ABCC9: variants seen among roughly 807,000 people sequenced by gnomAD.
The protein encoded by ABCC9 is ATP-binding cassette sub-family C member 9.
ABCC9 carries 95 observed loss-of-function variants against 188.3 expected under a neutral mutation model. The observed-to-expected ratio is 0.50, with a 90% CI of 0.43 to 0.60. ABCC9 has a LOEUF of 0.60. Among genes scored for constraint, ABCC9 ranks in the 20% least tolerant of loss-of-function variants. The probability of loss-of-function intolerance (pLI) is 0.00; values close to 1 mark genes in which losing one functional copy is unlikely to be tolerated. For synonymous variants in ABCC9, 659 were observed against 652.7 expected (o/e 1.01, Z -0.15); for missense variants, 1,102 against 1,876.3 (o/e 0.59, Z 7.62).
intron 12 of ABCC9, among the ~76,000 whole-genome samples, chr12:21,895,902 A>G (rs1465966294): frequency 6.6e-6 from 1 of 152,120 alleles, no homozygotes; most frequent in Non-Finnish European, 1.5e-5. Context: ...AAAAACTCAC[A>G]TTTTAGCTTG....
intron 12 of ABCC9, among the ~76,000 whole-genome samples, chr12:21,897,272 T>TC (rs1290387625): frequency 6.6e-6 from 1 of 151,912 alleles, no homozygotes; most frequent in Non-Finnish European, 1.5e-5. Flanking sequence ...GGGTTTTTTT[T>TC]CCTCATAAAT....
At chr12:21,853,460 C>CTAT (rs148486888) in intron 22 of ABCC9, among the ~76,000 whole-genome samples, 3,676 of 151,572 alleles carry the variant, frequency 0.024, 148 homozygotes, top group African/African-American at 0.084. Flanking sequence ...ACATTGTTAG[C>CTAT]TATTATTATT....
At chr12:21,906,035 A>G in intron 12 of ABCC9, 91 bp downstream of exon 12, 2 of 1,392,814 alleles carry the variant, frequency 1.4e-6, no homozygotes, top group Non-Finnish European at 1.0e-6. Context: ...AAGAACTAGA[A>G]TGTTTCATTG....
chr12:21,889,067 G>GT (rs1479853591), intron 14 of ABCC9, among the ~76,000 whole-genome samples: 4 of 152,124 alleles, frequency 2.6e-5, no homozygotes, highest in African/African-American at 7.2e-5. Flanking sequence ...TTCAGAACTT[G>GT]TTTTTTGTGA....
intron 36 of ABCC9, among the ~76,000 whole-genome samples, chr12:21,811,031 C>T (rs1233182380): frequency 6.6e-6 from 1 of 152,140 alleles, no homozygotes; most frequent in Non-Finnish European, 1.5e-5. Flanking sequence ...CCACCCAAAT[C>T]TCATCTCGAA....
chr12:21,913,263 G>T (rs1415809342), intron 7 of ABCC9, among the ~76,000 whole-genome samples, 197 bp from the exon 8 acceptor site: 1 of 152,092 alleles, frequency 6.6e-6, no homozygotes, highest in Non-Finnish European at 1.5e-5. Flanking sequence ...AGTAGCTACT[G>T]AATGCATTTT....
intron 12 of ABCC9, among the ~76,000 whole-genome samples, chr12:21,900,288 C>A (rs1164744871): frequency 6.6e-6 from 1 of 152,110 alleles, no homozygotes; most frequent in African/African-American, 2.4e-5. Context: ...GAAAGGACAT[C>A]CACACCAAAA....
At chr12:21,920,455 ATATT>A (rs1384073650) in intron 5 of ABCC9, among the ~76,000 whole-genome samples, 2 of 152,066 alleles carry the variant, frequency 1.3e-5, no homozygotes, top group African/African-American at 4.8e-5. Flanking sequence ...TTGTAGGTAT[ATATT>A]TATGGGTTAC....
chr12:21,871,619 A>G (rs952913158), intron 18 of ABCC9, among the ~76,000 whole-genome samples: 1 of 152,192 alleles, frequency 6.6e-6, no homozygotes, highest in Non-Finnish European at 1.5e-5. Flanking sequence ...TCATGATAGT[A>G]GATACAAAAT....
At chr12:21,938,296 C>G (rs1249989569) in intron 2 of ABCC9, among the ~76,000 whole-genome samples, 2 of 152,048 alleles carry the variant, frequency 1.3e-5, no homozygotes, top group African/African-American at 4.8e-5. Flanking sequence ...CTAGTTGAGT[C>G]TTTCCCTCAT....
chr12:21,877,142 A>G (rs1565770634), intron 16 of ABCC9, among the ~76,000 whole-genome samples: 1 of 152,162 alleles, frequency 6.6e-6, no homozygotes, highest in Non-Finnish European at 1.5e-5. Flanking sequence ...AGAAGGCATA[A>G]TGCATCCTCC....
chr12:21,812,029 T>C lies in ABCC9; in HGVS notation c.4211+20A>G. 1 of 1,530,646 alleles carries C rather than the reference T, an allele frequency of 6.5e-7. No individual in the cohort carries two copies. Among genetic ancestry groups the C allele is most frequent in the Non-Finnish European group, 9.1e-7 (1 of 1,104,468 alleles). 94.8% of individuals were successfully genotyped at this position (1,530,646 alleles called of 1,614,324 possible). ...GGCTAAATCCTAAGGCATACAGGTG[T>C]TGCTAAATATGTTACCTACCTAATG... On this transcript the variant is annotated intron_variant, in intron 36 of 39. Transcript: ENST00000261200.
intron 31 of ABCC9, among the ~76,000 whole-genome samples, chr12:21,825,752 A>G (rs1221893791): frequency 2.6e-5 from 4 of 152,166 alleles, no homozygotes; most frequent in Admixed American, 6.5e-5. Context: ...TGTTACAAAC[A>G]TGCATGTTCT....
chr12:21,930,800 G>A (rs1949252671), intron 4 of ABCC9, among the ~76,000 whole-genome samples: 2 of 152,006 alleles, frequency 1.3e-5, no homozygotes, highest in South Asian at 4.1e-4. Flanking sequence ...GATCTATTTG[G>A]CCATGAAAAA....
In ABCC9 at chr12:21,894,414, G is replaced by A. The variant is rs369193813; in HGVS notation, c.1660-240C>T. 7.0e-4 allele frequency among the ~76,000 whole-genome samples: 106 copies of A among 152,284 alleles called. 2 individuals carry two copies. In the South Asian group the frequency reaches 0.022, roughly 31 times the overall value. ...AGTTAGAAAAAAATTCTACTTACAG[G>A]TTAGGTAATTGACCCTGTCAGATTG... On this transcript the variant is annotated intron_variant, in intron 13 of 39. Coordinates refer to ENST00000261200, the MANE Select transcript of ABCC9 (RefSeq NM_020297.4).
intron 18 of ABCC9, chr12:21,869,803 G>A (rs1230460213): frequency 6.6e-6 from 1 of 152,164 alleles, no homozygotes; most frequent in Admixed American, 6.5e-5. Flanking sequence ...GACTTGTCTT[G>A]TCTTGTTCAA....
intron 31 of ABCC9, among the ~76,000 whole-genome samples, chr12:21,821,242 G>A (rs2137219369): frequency 6.6e-6 from 1 of 152,220 alleles, no homozygotes; most frequent in South Asian, 2.1e-4. Flanking sequence ...GATAAAGTGG[G>A]AAGTCCAACA....
At chr12:21,863,558 T>C (rs1945631792) in intron 19 of ABCC9, among the ~76,000 whole-genome samples, 1 of 152,182 alleles carries the variant, frequency 6.6e-6, no homozygotes, top group Non-Finnish European at 1.5e-5. Context: ...AAAGAATATC[T>C]TAAGGAGTCC....
chr12:21,825,585 T>A lies in ABCC9; in HGVS notation c.3669+3373A>T, dbSNP rs535430898. On this transcript the variant is annotated intron_variant, in intron 31 of 39. Coordinates refer to ENST00000261200, the MANE Select transcript of ABCC9 (RefSeq NM_020297.4). ...GCATGTTCTCACTCATAAGTGGGAG[T>A]TAGACAATGAGAACACATGGACACA... is the stretch of plus-strand genomic sequence containing the variant. Among the ~76,000 whole-genome samples the A allele has an allele frequency of 2.0e-5, 3 of 150,630 alleles. No homozygotes were observed. In the East Asian group the frequency reaches 5.9e-4, roughly 30 times the overall value.
Sources: allele counts gnomAD v4.1 joint callset (sites outside exome capture counted in the v4.1 genomes callset), GRCh38; gene constraint gnomAD v4.1.1; transcripts MANE v1.5; gene names NCBI Gene and HGNC (gene_info 2026-07-23, HGNC 2026-07-21).